Variants in FBN3 observed in about 807,000 individuals in gnomAD.
The protein encoded by FBN3 is fibrillin 3.
In FBN3, 234 loss-of-function variants were observed where a neutral mutation model predicts 330.1. The observed-to-expected ratio is 0.71, with a 90% CI of 0.64 to 0.79. FBN3 has a LOEUF of 0.79. Ranked by LOEUF, FBN3 falls within the 30% of genes least tolerant of loss-of-function variation. The pLI is 0.00. For synonymous variants in FBN3, 1,458 were observed against 1,517.3 expected, an observed-to-expected ratio of 0.96 and a Z score of 0.91; for missense variants, 3,606 against 3,886.9, an observed-to-expected ratio of 0.93 and a Z score of 1.92.
In FBN3 at chr19:8,085,450, G is replaced by GA. The variant is rs1370663774; in HGVS notation, c.6999_7000insT (p.Pro2334SerfsTer27). ...GGCAGGGGACAGAGCTCGCAGCGGG[G>GA]CCCCCAGCCCCGGCCACCCCCACAG... is the stretch of plus-strand genomic sequence containing the variant. On this transcript the variant is annotated frameshift_variant, in exon 56 of 64. Transcript: ENST00000600128. LOFTEE classifies it high-confidence loss of function. The GA allele has an allele frequency of 6.4e-7, 1 of 1,574,120 alleles. No individual in the cohort carries two copies. Among genetic ancestry groups the GA allele is most frequent in the Admixed American group, 1.9e-5 (1 of 52,816 alleles).
intron 41 of FBN3, among the ~76,000 whole-genome samples, chr19:8,098,687 T>C (rs1191313527): frequency 6.6e-6 from 1 of 152,154 alleles, no homozygotes; most frequent in African/African-American, 2.4e-5. Context: ...ACTGAGGTGA[T>C]GGTTGCATAA....
chr19:8,093,848 T>C (rs17160153), intron 47 of FBN3, among the ~76,000 whole-genome samples: 3,470 of 152,206 alleles, frequency 0.023, 235 homozygotes, highest in East Asian at 0.18. Flanking sequence ...TGGTCCACGT[T>C]AGCTCAGGTT....
chr19:8,084,260 G>A (rs981988662), intron 56 of FBN3, among the ~76,000 whole-genome samples: 2 of 152,154 alleles, frequency 1.3e-5, no homozygotes, highest in African/African-American at 4.8e-5. Flanking sequence ...ACAGGCCGCT[G>A]GCTCCCTCTC....
At chr19:8,141,688 T>A (rs2083418539) in intron 8 of FBN3, 29 bp downstream of exon 8, 1 of 1,598,858 alleles carries the variant, frequency 6.3e-7, no homozygotes, top group Non-Finnish European at 8.5e-7. Context: ...ACAGAGGAGG[T>A]CTCAGGTTGT....
Position 8,126,459 on chromosome 19 carries a change from G to A in FBN3, c.2554+9C>T, listed in dbSNP as rs1478402857. On this transcript the variant is annotated intron_variant, in intron 20 of 63. Transcript: ENST00000600128. ...ATGGGTGCCTGGGAGGCCTCAAGGAGGATACTACCGATCTCGCAGCGTTCG... is the reference window on the plus strand; with the variant it reads ...ATGGGTGCCTGGGAGGCCTCAAGGAAGATACTACCGATCTCGCAGCGTTCG... 1 of 1,609,916 alleles carries A rather than the reference G, an allele frequency of 6.2e-7. No homozygotes were observed. The highest frequency in any genetic ancestry group is 2.2e-5 in the East Asian group (1 of 44,584).
At chr19:8,135,781 A>T (rs940699517) in intron 13 of FBN3, among the ~76,000 whole-genome samples, 180 bp downstream of exon 13, 2 of 152,120 alleles carry the variant, frequency 1.3e-5, no homozygotes, top group African/African-American at 4.8e-5. Flanking sequence ...AATGAAGGGG[A>T]GAGTCAGGGT....
At chr19:8,071,857 C>T (rs907348833) in intron 63 of FBN3, among the ~76,000 whole-genome samples, 191 bp downstream of exon 63, 3 of 152,094 alleles carry the variant, frequency 2.0e-5, no homozygotes, top group Non-Finnish European at 2.9e-5. Context: ...GAGACCCCCC[C>T]CAAGAAAAAT....
chr19:8,069,160 A>G (rs2081458075), intron 63 of FBN3, among the ~76,000 whole-genome samples: 1 of 152,152 alleles, frequency 6.6e-6, no homozygotes, highest in Admixed American at 6.5e-5. Context: ...AGGACCAGAC[A>G]GAAGAGCCGC....
Position 8,117,259 on chromosome 19 carries a change from A to G in FBN3, c.3496T>C (p.Cys1166Arg). 1 of 1,553,162 alleles carries G rather than the reference A, an allele frequency of 6.4e-7. No homozygotes were observed. Among genetic ancestry groups the G allele is most frequent in the Non-Finnish European group, 8.7e-7 (1 of 1,145,252 alleles). Residue 1166 changes from cysteine (C) to arginine (R), a missense_variant, in exon 28 of 64, where the codon TGT (cysteine) becomes CGT (arginine). Coordinates refer to ENST00000600128, the MANE Select transcript of FBN3 (RefSeq NM_032447.5). ...TCAGTGTTAATACAGTGCACGTCAC[A>G]CCCACCATTCTGGACCCGGCATTCG... ...INECRVQNGG[C>R]DVHCINTEGS...
intron 3 of FBN3, 69 bp downstream of exon 3, chr19:8,147,035 T>C (rs2083561880): frequency 7.2e-7 from 1 of 1,386,978 alleles, no homozygotes; most frequent in Admixed American, 2.0e-5. Flanking sequence ...TAAACAGAGC[T>C]GAACCTGCAG....
At position 8,136,365 on chromosome 19, in the gene FBN3, C is replaced by CG. The variant is rs760359598; in HGVS notation, c.1345+22_1345+23insC. On this transcript the variant is annotated intron_variant, in intron 11 of 63. Transcript: ENST00000600128. ...GAGCAGGGCAGTGAGAACCGCCCCC[C>CG]CTTCCACCTGGCCGCGGCTCACCAA... The CG allele has an allele frequency of 1.9e-5, 30 of 1,609,636 alleles. No individual in the cohort carries two copies. The South Asian group carries it at 3.1e-4, about 17-fold the overall frequency.
intron 40 of FBN3, among the ~76,000 whole-genome samples, chr19:8,102,298 C>A (rs1006912278): frequency 1.3e-5 from 2 of 151,800 alleles, no homozygotes; most frequent in Non-Finnish European, 2.9e-5. Context: ...CACTGGAAAC[C>A]CCACTTCCCG....
Position 8,065,803 on chromosome 19 carries a change from A to T in FBN3, c.*116T>A. On this transcript the variant is annotated 3_prime_UTR_variant, in exon 64 of 64. Transcript: ENST00000600128. ...GCCTGAGGTTGTCGTGTAGCATTTC[A>T]CTCTTCCTGAGTTTCGGGGTTCAAT... 1.1e-6 allele frequency: 1 copy of T among 903,152 alleles called. No homozygotes were observed. The highest frequency in any genetic ancestry group is 1.7e-6 in the Non-Finnish European group (1 of 600,946). The allele number at this position is 903,152 out of a possible 1,614,324, so 55.9% of individuals were successfully genotyped here.
At chr19:8,126,073 G>T (rs1474135226) in intron 21 of FBN3, 56 bp from the exon 22 acceptor site, 49 of 1,609,662 alleles carry the variant, frequency 3.0e-5, no homozygotes, top group Non-Finnish European at 4.0e-5. Flanking sequence ...GTGCTGGCTG[G>T]CCATTCCCCT....
In FBN3 at chr19:8,085,527, A is replaced by G. The variant is rs2144653064; in HGVS notation, c.6923T>C (p.Met2308Thr). The change falls in exon 56 of 64, where the codon ATG (methionine) becomes ACG (threonine). Residue 2308 changes from methionine to threonine, a missense_variant. Met to Thr is a moderately conservative substitution (Grantham distance 81). Coordinates refer to ENST00000600128, the MANE Select transcript of FBN3 (RefSeq NM_032447.5). ...GPCFAEVLQT[M>T]CRSLSSSSEA... ...ACTGCTGCTGGACAGAGACCGGCAC[A>G]TGGTCTGCAGCACCTCGGCAAAGCA... The G allele has an allele frequency of 1.3e-6, 2 of 1,593,830 alleles. No homozygotes were observed. Among genetic ancestry groups the G allele is most frequent in the African/African-American group, 2.7e-5 (2 of 74,716 alleles).
In FBN3 at chr19:8,123,363, AAAG is replaced by A. The variant is rs936103199; in HGVS notation, c.3082+98_3082+100del. On this transcript the variant is annotated intron_variant, in intron 24 of 63. Transcript: ENST00000600128. ...GAGTAAAACTCCGTCTCGAAAAAAA[AAAG>A]AAGAAGAAAAAGAACAGGTGTTGTC... 472 of 1,282,000 alleles carry A rather than the reference AAAG, an allele frequency of 3.7e-4. 1 individual carries two copies. The highest frequency in any genetic ancestry group is 7.4e-4 in the Admixed American group (29 of 39,404). The allele number at this position is 1,282,000 out of a possible 1,614,324, so 79.4% of individuals were successfully genotyped here. A position where few individuals can be genotyped will look rare whatever the true frequency, so the allele number is the denominator to read the frequency against.
intron 41 of FBN3, among the ~76,000 whole-genome samples, chr19:8,100,371 T>C (rs2082301225): frequency 6.6e-6 from 1 of 151,984 alleles, no homozygotes; most frequent in South Asian, 2.1e-4. Context: ...AAAGTCTTAC[T>C]CTATCCCTCA....
intron 25 of FBN3, among the ~76,000 whole-genome samples, chr19:8,120,490 T>C (rs2082820521): frequency 6.7e-6 from 1 of 149,966 alleles, no homozygotes; most frequent in Non-Finnish European, 1.5e-5. Flanking sequence ...CCTTCCTTCC[T>C]TCCTTCCTTT....
At chr19:8,069,258 T>A (rs1036902963) in intron 63 of FBN3, among the ~76,000 whole-genome samples, 2 of 152,132 alleles carry the variant, frequency 1.3e-5, no homozygotes, top group African/African-American at 4.8e-5. Flanking sequence ...TTTAAGCTCC[T>A]CTGAAGTGCC....
Sources: allele counts gnomAD v4.1 joint callset (sites outside exome capture counted in the v4.1 genomes callset), GRCh38; gene constraint gnomAD v4.1.1; transcripts MANE v1.5; gene names NCBI Gene and HGNC (gene_info 2026-07-23, HGNC 2026-07-21).